The following ZNF805 variants were observed in gnomAD, a reference collection of about 807,000 sequenced individuals.
ZNF805 encodes zinc finger protein 805, also known as CTC-444N24.8.
ZNF805 carries 7 observed loss-of-function variants against 13.6 expected under a neutral mutation model. That is an observed-to-expected ratio of 0.51 (90% CI 0.29 to 0.97). The LOEUF is 0.97. Among genes scored for constraint, ZNF805 ranks in the 50% least tolerant of loss-of-function variants. The pLI, the probability that ZNF805 is intolerant of heterozygous loss-of-function variation, is 0.08. For missense variants in ZNF805, 604 were observed against 771.0 expected, an observed-to-expected ratio of 0.78 and a Z score of 2.57; for synonymous variants, 293 against 279.8, an observed-to-expected ratio of 1.05 and a Z score of -0.47.
rs756557001 is a variant in ZNF805, at chr19:57,256,789, T to G, written c.*2086T>G. ...CTGATTTTTCTCCAGTCTCTGTTCT[T>G]AATTTCACTGATATCTGCTCTGATG... On this transcript the variant is annotated 3_prime_UTR_variant, in exon 4 of 4. Coordinates refer to ENST00000414468, the MANE Select transcript of ZNF805 (RefSeq NM_001023563.4). 1.4e-4 allele frequency among the ~76,000 whole-genome samples: 22 copies of G among 152,168 alleles called. No individual in the cohort carries two copies. The highest frequency in any genetic ancestry group is 1.4e-3 in the Admixed American group (21 of 15,278).
intron 2 of ZNF805, among the ~76,000 whole-genome samples, chr19:57,247,743 C>G (rs1599990566): frequency 1.3e-5 from 2 of 152,246 alleles, no homozygotes; most frequent in Non-Finnish European, 2.9e-5. Context: ...TTAAACAGCA[C>G]AGACAGAGAT....
At position 57,254,815 on chromosome 19, in the gene ZNF805, GTTA is replaced by G; in HGVS notation, c.*116_*118del. On this transcript the variant is annotated 3_prime_UTR_variant, in exon 4 of 4. Transcript: ENST00000414468. ...ATTCATCCTGGAAAAACACCCAGTG[GTTA>G]TTACGCACTTGGGAAAACCTTTAGC... 2 of 1,126,600 alleles carry G rather than the reference GTTA, an allele frequency of 1.8e-6. No individual in the cohort carries two copies. Among genetic ancestry groups the G allele is most frequent in the South Asian group, 3.3e-5 (2 of 60,368 alleles). The allele number at this position is 1,126,600 out of a possible 1,614,324, so 69.8% of individuals were successfully genotyped here. A position where few individuals can be genotyped will look rare whatever the true frequency, so the allele number is the denominator to read the frequency against.
Position 57,254,307 on chromosome 19 carries a change from A to G in ZNF805, c.1488A>G (p.Ser496=), listed in dbSNP as rs764917367. The change falls in exon 4 of 4, where the codon TCA becomes TCG. Residue 496 remains serine, a synonymous_variant. Transcript: ENST00000414468. The part of the protein sequence containing the change: ...MECGKAFNRR[S]GLTRHQRIHS... The stretch of plus-strand genomic sequence containing the variant: ...GTGGAAAGGCCTTCAACCGCAGGTC[A>G]GGCCTCACAAGGCACCAGCGGATTC... 4.3e-5 allele frequency: 70 copies of G among 1,613,676 alleles called. No individual in the cohort carries two copies. The highest frequency in any genetic ancestry group is 1.6e-4 in the Middle Eastern group (1 of 6,080).
intron 2 of ZNF805, among the ~76,000 whole-genome samples, chr19:57,244,522 C>G (rs1035556907): frequency 1.1e-4 from 17 of 152,042 alleles, no homozygotes; most frequent in Admixed American, 4.6e-4. Flanking sequence ...ACACTCACCT[C>G]TTCCTATACA....
Position 57,254,654 on chromosome 19 carries a change from C to A in ZNF805, c.1835C>A (p.Ala612Glu). The A allele has an allele frequency of 6.2e-7, 1 of 1,614,022 alleles. No homozygotes were observed. Residue 612 changes from alanine to glutamate, a missense_variant, in exon 4 of 4, where the codon GCA becomes GAA. Ala to Glu is a moderately radical substitution (Grantham distance 107). This residue lies in a region of ZNF805 where 49 missense variants were observed against 40.0 expected (regional missense o/e 1.23). Transcript: ENST00000414468. ...TTGCAAGAGGAAGCATCTTACATGG[C>A]ATCTGATCGTACATACCAAAGAGAA... ...NLLQEEASYM[A>E]SDRTYQRETP...
rs775124016 is a variant in ZNF805 at position 57,254,631 on chromosome 19, G to A, written c.1812G>A (p.Leu604=). The change falls in exon 4 of 4, where the codon TTG becomes TTA. Residue 604 remains leucine (L), a synonymous_variant. Transcript: ENST00000414468. ...FLNVTTEENL[L]QEEASYMASD... ...ATGTCACCACTGAGGAAAATCTTTT[G>A]CAAGAGGAAGCATCTTACATGGCAT... 4 of 1,614,062 alleles carry A rather than the reference G, an allele frequency of 2.5e-6. No individual in the cohort carries two copies. In the South Asian group the frequency reaches 4.4e-5, roughly 18 times the overall value.
At chr19:57,242,968 C>T (rs2087588711) in intron 1 of ZNF805, among the ~76,000 whole-genome samples, 2 of 152,066 alleles carry the variant, frequency 1.3e-5, no homozygotes, top group Non-Finnish European at 2.9e-5. Context: ...CACCTGTAGC[C>T]CCAGTGCTGT....
chr19:57,253,473 TGCTC>T lies in ZNF805; in HGVS notation c.656_659del (p.Ala219GlyfsTer9). ...AAGTGTTTAACAAGAAACGCCTGCTTGCTCGGCATGAGAGGATTCACTCTGGAGT... is the reference window on the plus strand; with the variant it reads ...AAGTGTTTAACAAGAAACGCCTGCTTGGCATGAGAGGATTCACTCTGGAGT... On this transcript the variant is annotated frameshift_variant, in exon 4 of 4. Coordinates refer to ENST00000414468, the MANE Select transcript of ZNF805 (RefSeq NM_001023563.4). LOFTEE classifies it high-confidence loss of function. The surrounding 1 kb of genome is among the most constrained non-coding windows in gnomAD (Gnocchi z 4.4). The T allele has an allele frequency of 6.3e-7, 1 of 1,599,062 alleles. No individual in the cohort carries two copies. Among genetic ancestry groups the T allele is most frequent in the Non-Finnish European group, 8.5e-7 (1 of 1,172,040 alleles).
At chr19:57,249,408 A>T (rs1192047730) in intron 3 of ZNF805, among the ~76,000 whole-genome samples, 7 of 152,274 alleles carry the variant, frequency 4.6e-5, no homozygotes. Context: ...AATTATTTTT[A>T]TAAAAAACAA....
rs2087672219 is a variant in ZNF805, at chr19:57,254,259, G to T, written c.1440G>T (p.Glu480Asp). 1 of 1,614,014 alleles carries T rather than the reference G, an allele frequency of 6.2e-7. No individual in the cohort carries two copies. The change falls in exon 4 of 4, where the codon GAG becomes GAT. Residue 480 changes from glutamate (E) to aspartate (D), a missense_variant. Coordinates refer to ENST00000414468, the MANE Select transcript of ZNF805 (RefSeq NM_001023563.4). ...LIRHFSIHTG[E>D]KPYECMECGK... The stretch of plus-strand genomic sequence containing the variant: ...GCCACTTCAGCATCCACACTGGAGA[G>T]AAGCCCTATGAGTGCATGGAGTGTG...
At position 57,253,021 on chromosome 19, in the gene ZNF805, C is replaced by A; in HGVS notation, c.254-52C>A. Reference sequence around the variant, plus strand: ...TTTTACTGAAGTGGTGAGTTTGTTTCTTCTCTTTTTACATTACTAACAAGC... The same window carrying A: ...TTTTACTGAAGTGGTGAGTTTGTTTATTCTCTTTTTACATTACTAACAAGC... On this transcript the variant is annotated intron_variant, in intron 3 of 3. Coordinates refer to ENST00000414468, the MANE Select transcript of ZNF805 (RefSeq NM_001023563.4). This position sits in a 1 kb window ranked among gnomAD's most constrained non-coding sequence, Gnocchi z 4.4. The A allele has an allele frequency of 1.5e-6, 2 of 1,341,834 alleles. No homozygotes were observed. Among genetic ancestry groups the A allele is most frequent in the Non-Finnish European group, 1.9e-6 (2 of 1,037,994 alleles). 83.1% of individuals were successfully genotyped at this position (1,341,834 alleles called of 1,614,324 possible).
rs1161810026 is a variant in ZNF805, at chr19:57,254,227, C to G, written c.1408C>G (p.Leu470Val). The G allele has an allele frequency of 1.9e-6, 3 of 1,613,882 alleles. No homozygotes were observed. The highest frequency in any genetic ancestry group is 2.5e-6 in the Non-Finnish European group (3 of 1,180,008). Residue 470 changes from leucine to valine, a missense_variant, in exon 4 of 4, where the codon CTC becomes GTC. This residue lies in a region of ZNF805 where 228 missense variants were observed against 352.8 expected (regional missense o/e 0.65). Coordinates refer to ENST00000414468, the MANE Select transcript of ZNF805 (RefSeq NM_001023563.4). ...CGKAFSNRADLIRHFSIHTGE... is the reference protein window; with the variant it reads ...CGKAFSNRADVIRHFSIHTGE... ...GAAAGCCTTTAGCAATAGGGCAGAC[C>G]TCATTCGCCACTTCAGCATCCACAC... is the stretch of plus-strand genomic sequence containing the variant.
In ZNF805 at chr19:57,261,277, T is replaced by C. The variant is rs780969994; in HGVS notation, c.*6574T>C. The C allele has an allele frequency of 6.0e-6, 1 of 167,064 alleles. No homozygotes were observed. The highest frequency in any genetic ancestry group is 1.5e-5 in the Non-Finnish European group (1 of 68,128). 10.3% of individuals were successfully genotyped at this position (167,064 alleles called of 1,614,324 possible). A position where few individuals can be genotyped will look rare whatever the true frequency, so the allele number is the denominator to read the frequency against. On this transcript the variant is annotated 3_prime_UTR_variant, in exon 4 of 4. Coordinates refer to ENST00000414468, the MANE Select transcript of ZNF805 (RefSeq NM_001023563.4). ...CACTCTTTAATGCCTGCATAAGCTA[T>C]TGTGACTGTAGAAAAGACGGAGAAT...
chr19:57,250,876 T>C (rs1013977686), intron 3 of ZNF805, among the ~76,000 whole-genome samples: 1 of 152,230 alleles, frequency 6.6e-6, no homozygotes, highest in Non-Finnish European at 1.5e-5. Context: ...CAAGAGTTTA[T>C]ATTATACGTT....
rs185478590 is a variant in ZNF805 at position 57,253,560 on chromosome 19, G to C, written c.741G>C (p.Leu247=). 1.5e-4 allele frequency: 237 copies of C among 1,613,852 alleles called. 1 individual carries two copies. The East Asian group carries it at 4.7e-3, about 32-fold the overall frequency. ...GKTFSKSTYL[L]QHHMVHTGEK... ...CCTTTAGCAAGAGTACATACCTCCT[G>C]CAGCACCACATGGTCCACACTGGGG... Residue 247 remains leucine, a synonymous_variant, in exon 4 of 4, where the codon CTG becomes CTC. Coordinates refer to ENST00000414468, the MANE Select transcript of ZNF805 (RefSeq NM_001023563.4). This position sits in a 1 kb window ranked among gnomAD's most constrained non-coding sequence, Gnocchi z 4.4.
At chr19:57,248,037 T>C (rs910425344) in intron 2 of ZNF805, among the ~76,000 whole-genome samples, 1 of 152,204 alleles carries the variant, frequency 6.6e-6, no homozygotes, top group Non-Finnish European at 1.5e-5. Context: ...TGAAACCTCA[T>C]TTTTACTAAA....
At chr19:57,249,831 G>A (rs570630905) in intron 3 of ZNF805, among the ~76,000 whole-genome samples, 1 of 150,128 alleles carries the variant, frequency 6.7e-6, no homozygotes, top group East Asian at 1.9e-4. Flanking sequence ...CATCTGTCAT[G>A]TGTGTGGATT....
rs548528783 is a variant in ZNF805 at position 57,256,136 on chromosome 19, G to C, written c.*1433G>C. ...GTTGATATGATGTGTTACCTTGATT[G>C]AGTTTCAAGTATTGAACCAGCCTCA... On this transcript the variant is annotated 3_prime_UTR_variant, in exon 4 of 4. Transcript: ENST00000414468. Among the ~76,000 whole-genome samples the C allele has an allele frequency of 2.0e-5, 3 of 152,164 alleles. No individual in the cohort carries two copies. In the South Asian group the frequency reaches 6.2e-4, roughly 32 times the overall value.
At chr19:57,245,566 T>TC (rs2087608986) in intron 2 of ZNF805, among the ~76,000 whole-genome samples, 1 of 149,866 alleles carries the variant, frequency 6.7e-6, no homozygotes, top group Non-Finnish European at 1.5e-5. Flanking sequence ...GATCACAAGG[T>TC]CAGGAGATAG....
Sources: allele counts gnomAD v4.1 joint callset (sites outside exome capture counted in the v4.1 genomes callset), GRCh38; gene constraint gnomAD v4.1.1; regional missense constraint gnomAD v4.1.1; non-coding constraint Gnocchi (gnomAD v3.1); transcripts MANE v1.5; gene names NCBI Gene and HGNC (gene_info 2026-07-23, HGNC 2026-07-21).